NDUFA5: variants seen among roughly 807,000 people sequenced by gnomAD.
NDUFA5 encodes the protein NADH:ubiquinone oxidoreductase subunit A5.
Under a neutral mutation model 19.8 loss-of-function variants are expected in NDUFA5, and 11 were observed. The observed-to-expected ratio is 0.56, with a 90% CI of 0.35 to 0.92. The LOEUF (loss-of-function observed/expected upper bound fraction) is 0.92. NDUFA5 is among the 40% of genes least tolerant of loss of function. NDUFA5 has a pLI of 0.01. For synonymous variants in NDUFA5, 47 were observed against 46.8 expected, an observed-to-expected ratio of 1.00 and a Z score of -0.01; for missense variants, 109 against 134.2, an observed-to-expected ratio of 0.81 and a Z score of 0.93.
At chr7:123,581,553 C>T in the NDUFA5 span, among the ~76,000 whole-genome samples, 11 of 151,850 alleles carry the variant, frequency 7.2e-5, no homozygotes, top group African/African-American at 2.4e-4. Flanking sequence ...GTTCTAAAGA[C>T]CTTGTGAGCT....
chr7:123,570,384 T>C, the NDUFA5 span, among the ~76,000 whole-genome samples: 2 of 152,046 alleles, frequency 1.3e-5, no homozygotes, highest in Non-Finnish European at 2.9e-5. Context: ...TTTTTGACTA[T>C]ATCACCCACC....
the NDUFA5 span, among the ~76,000 whole-genome samples, chr7:123,597,935 T>C: frequency 6.6e-6 from 1 of 151,488 alleles, no homozygotes; most frequent in Non-Finnish European, 1.5e-5. Context: ...TGTGTGTGTG[T>C]GTGTGTGTGT....
the NDUFA5 span, among the ~76,000 whole-genome samples, chr7:123,584,354 A>C: frequency 6.6e-6 from 1 of 151,338 alleles, no homozygotes; most frequent in Non-Finnish European, 1.5e-5. Flanking sequence ...AAGAAGTTTT[A>C]ATGTCCTGAT....
rs1423455478 is a variant in NDUFA5, at chr7:123,550,320, G to C, written c.183+150C>G. On this transcript the variant is annotated intron_variant, in intron 3 of 4. Transcript: ENST00000355749. Reference sequence around the variant, plus strand: ...CATATAGAAAACACTCAATAAACAAGAGTTTGCTGAATAAAAGGGAGGAAT... The same window carrying C: ...CATATAGAAAACACTCAATAAACAACAGTTTGCTGAATAAAAGGGAGGAAT... The C allele has an allele frequency of 1.3e-5, 8 of 603,648 alleles. No homozygotes were observed. The East Asian group carries it at 1.8e-4, about 14-fold the overall frequency. The allele number at this position is 603,648 out of a possible 1,614,324, so 37.4% of individuals were successfully genotyped here.
chr7:123,590,517 C>T, the NDUFA5 span, among the ~76,000 whole-genome samples: 3 of 152,060 alleles, frequency 2.0e-5, no homozygotes, highest in Admixed American at 6.5e-5. Context: ...AGGAAGGGGT[C>T]CAGTTTCAGC....
In NDUFA5 at chr7:123,557,300, A is replaced by G. The variant is rs565928547; in HGVS notation, c.66+104T>C. On this transcript the variant is annotated intron_variant, in intron 2 of 4. Transcript: ENST00000355749. ...CAAGAGCTCACGCGGCTTGTAATTAAGGGCTTGAAACATCTGTATCCCGTT... is the reference window on the plus strand; with the variant it reads ...CAAGAGCTCACGCGGCTTGTAATTAGGGGCTTGAAACATCTGTATCCCGTT... 6.5e-6 allele frequency: 10 copies of G among 1,528,344 alleles called. No homozygotes were observed. In the African/African-American group the frequency reaches 9.7e-5, roughly 15 times the overall value. The allele number at this position is 1,528,344 out of a possible 1,614,324, so 94.7% of individuals were successfully genotyped here.
the NDUFA5 span, among the ~76,000 whole-genome samples, chr7:123,597,917 C>CGAGTGTGT: frequency 1.5e-5 from 2 of 132,974 alleles, no homozygotes; most frequent in African/African-American, 5.8e-5. Flanking sequence ...TTTCAAACTT[C>CGAGTGTGT]GTGTGTGTGT....
rs555245501 is a variant in NDUFA5 at position 123,539,262 on chromosome 7, T to C, written c.*2857A>G. 3 of 152,346 alleles carry C rather than the reference T, an allele frequency of 2.0e-5. No homozygotes were observed. The South Asian group carries it at 6.2e-4, about 32-fold the overall frequency. The allele number at this position is 152,346 out of a possible 1,614,324, so 9.4% of individuals were successfully genotyped here. The stretch of plus-strand genomic sequence containing the variant: ...TCATGGTGTACATCTGTTATCCTTA[T>C]GTAATTATTTTCACTCAAAATCATT... On this transcript the variant is annotated 3_prime_UTR_variant, in exon 5 of 5. Transcript: ENST00000355749.
Position 123,537,448 on chromosome 7 carries a change from T to C in NDUFA5, c.*4671A>G, listed in dbSNP as rs1301784648. The C allele has an allele frequency of 6.6e-6, 1 of 152,198 alleles. No individual in the cohort carries two copies. Among genetic ancestry groups the C allele is most frequent in the Non-Finnish European group, 1.5e-5 (1 of 68,018 alleles). 9.4% of individuals were successfully genotyped at this position (152,198 alleles called of 1,614,324 possible). A position where few individuals can be genotyped will look rare whatever the true frequency, so the allele number is the denominator to read the frequency against. ...TGAACTTGTTAAGAGAATGGAAATA[T>C]AGGTCTATTGTCCCTTTTCTGAAAC... On this transcript the variant is annotated 3_prime_UTR_variant, in exon 5 of 5. Coordinates refer to ENST00000355749, the MANE Select transcript of NDUFA5 (RefSeq NM_005000.5).
In NDUFA5 at chr7:123,557,665, A is replaced by G. The variant is rs767460634; in HGVS notation, c.21+110T>C. The G allele has an allele frequency of 1.9e-6, 3 of 1,613,836 alleles. No individual in the cohort carries two copies. In the African/African-American group the frequency reaches 4.0e-5, roughly 22 times the overall value. On this transcript the variant is annotated intron_variant, in intron 1 of 4. Transcript: ENST00000355749. ...AGGCATGCAGAACGAGTCCCCGAAA[A>G]GCACCGCCGAGCCCGCGACAGTAGG... is the stretch of plus-strand genomic sequence containing the variant.
chr7:123,585,213 C>T, the NDUFA5 span, among the ~76,000 whole-genome samples: 1 of 151,526 alleles, frequency 6.6e-6, no homozygotes, highest in South Asian at 2.1e-4. Context: ...TGTACCAATC[C>T]CCCTCTTAGA....
the NDUFA5 span, among the ~76,000 whole-genome samples, chr7:123,568,756 T>G: frequency 6.6e-6 from 1 of 152,038 alleles, no homozygotes; most frequent in African/African-American, 2.4e-5. Flanking sequence ...ATGTAAATGG[T>G]GATGAGAATA....
the NDUFA5 span, among the ~76,000 whole-genome samples, chr7:123,573,288 C>CTTTTT: frequency 8.5e-6 from 1 of 117,900 alleles, no homozygotes; most frequent in Non-Finnish European, 1.8e-5. Flanking sequence ...TCTGGATTTG[C>CTTTTT]TTTTTTTTTT....
At chr7:123,594,900 C>G in the NDUFA5 span, among the ~76,000 whole-genome samples, 2 of 152,226 alleles carry the variant, frequency 1.3e-5, no homozygotes, top group Admixed American at 1.3e-4. Context: ...GAGGTGGAAT[C>G]AAGAGAGGCA....
chr7:123,594,949 G>A, the NDUFA5 span, among the ~76,000 whole-genome samples: 3 of 152,272 alleles, frequency 2.0e-5, no homozygotes, highest in East Asian at 1.9e-4. Context: ...CACCCAGTTC[G>A]AGCTTCCCTG....
the NDUFA5 span, among the ~76,000 whole-genome samples, chr7:123,573,756 A>G: frequency 1.3e-5 from 2 of 152,160 alleles, no homozygotes; most frequent in African/African-American, 4.8e-5. Flanking sequence ...TCAAATTTCT[A>G]GACTACTTTA....
the NDUFA5 span, among the ~76,000 whole-genome samples, chr7:123,571,987 G>A: frequency 2.0e-5 from 3 of 151,810 alleles, no homozygotes; most frequent in African/African-American, 7.3e-5. Context: ...CTTTTGTAGG[G>A]ATCTTGCCCA....
At chr7:123,565,782 C>T in the NDUFA5 span, among the ~76,000 whole-genome samples, 4 of 152,230 alleles carry the variant, frequency 2.6e-5, no homozygotes, top group East Asian at 5.8e-4. Flanking sequence ...TTTGGGAGGC[C>T]AAGGCGGGTG....
rs546329531 is a variant in NDUFA5 at position 123,550,499 on chromosome 7, T to G, written c.154A>C (p.Thr52Pro). The G allele has an allele frequency of 2.5e-5, 40 of 1,608,162 alleles. No individual in the cohort carries two copies. The highest frequency in any genetic ancestry group is 3.2e-5 in the Non-Finnish European group (38 of 1,176,900). Reference protein sequence around the residue: ...AAYRKYTEQITNEKLAMVKAE... With the variant: ...AAYRKYTEQIPNEKLAMVKAE... The stretch of plus-strand genomic sequence containing the variant: ...TTAACCATAGCCAGCTTCTCATTTG[T>G]AATCTGTTCTGTATACTTTCTATAT... Residue 52 changes from threonine (T) to proline (P), a missense_variant, in exon 3 of 5, where the codon ACA (threonine) becomes CCA (proline). Thr to Pro is a conservative substitution (Grantham distance 38). Transcript: ENST00000355749.
Sources: gnomAD v4.1 joint callset for allele counts (sites outside exome capture counted in the v4.1 genomes callset) on GRCh38, gnomAD v4.1.1 for gene constraint, MANE v1.5 for transcripts, NCBI Gene and HGNC (gene_info 2026-07-23, HGNC 2026-07-21) for gene names.